The following FAM199X variants were observed in gnomAD, a reference collection of about 807,000 sequenced individuals.
FAM199X encodes protein FAM199X.
In FAM199X, 4 loss-of-function variants were observed where a neutral mutation model predicts 22.9. The ratio of observed to expected loss-of-function variants is 0.17; its 90% CI spans 0.09 to 0.40. FAM199X has a LOEUF of 0.40. FAM199X is among the 10% of genes least tolerant of loss of function. FAM199X has a pLI of 1.00. For synonymous variants in FAM199X, 101 were observed against 112.3 expected (o/e 0.90, Z 0.64); for missense variants, 183 against 306.8 (o/e 0.60, Z 3.01).
chrX:104,163,715 C>G (rs781959475), upstream of FAM199X, among the ~76,000 whole-genome samples: 1 of 91,218 alleles, frequency 1.1e-5, no homozygotes, highest in Admixed American at 1.3e-4. Flanking sequence ...TTTCCTGAGA[C>G]GGAGTCTTGC....
the FAM199X span, among the ~76,000 whole-genome samples, chrX:104,159,156 C>A: frequency 8.9e-6 from 1 of 111,988 alleles, no homozygotes; most frequent in Non-Finnish European, 1.9e-5. Flanking sequence ...AGAGAAAAAT[C>A]CTGATGCAAA....
rs1331100733 is a variant in FAM199X, at chrX:104,194,377, T to C, written c.*4599T>C. ...ACATTTGACTATGTAAAGGTAGTTG[T>C]AGACTATATGTATAAATAACAAGTT... On this transcript the variant is annotated 3_prime_UTR_variant, in exon 6 of 6. Transcript: ENST00000493442. 1.8e-5 allele frequency: 2 copies of C among 112,202 alleles called. No individual in the cohort carries two copies. Among genetic ancestry groups the C allele is most frequent in the African/African-American group, 3.2e-5 (1 of 30,976 alleles). 9.2% of individuals were successfully genotyped at this position (112,202 alleles called of 1,213,427 possible). A position where few individuals can be genotyped will look rare whatever the true frequency, so the allele number is the denominator to read the frequency against.
intron 2 of FAM199X, among the ~76,000 whole-genome samples, chrX:104,178,404 C>T (rs1381946395): frequency 2.7e-5 from 3 of 111,100 alleles, no homozygotes; most frequent in African/African-American, 9.8e-5. Flanking sequence ...TGACCTCAGG[C>T]GATCTGCCTG....
chrX:104,170,273 GT>G (rs1408974943), intron 1 of FAM199X, among the ~76,000 whole-genome samples: 1 of 112,044 alleles, frequency 8.9e-6, no homozygotes, highest in East Asian at 2.8e-4. Context: ...AACACCCATA[GT>G]TTTCCTATCT....
At position 104,166,854 on chromosome X, in the gene FAM199X, C is replaced by G. The variant is rs1556374053; in HGVS notation, c.69C>G (p.Leu23=). 1 of 1,205,998 alleles carries G rather than the reference C, an allele frequency of 8.3e-7. No homozygotes were observed. Among genetic ancestry groups the G allele is most frequent in the Non-Finnish European group, 1.1e-6 (1 of 892,737 alleles). Residue 23 remains leucine, a synonymous_variant, in exon 1 of 6, where the codon CTC becomes CTG. Transcript: ENST00000493442. ...TAACCCCCGAGGAGCCCTTCCCACT[C>G]CTGGGACCTCCTCGCGGGGTGGGCA... ...KFLTPEEPFP[L]LGPPRGVGTC...
the FAM199X span, among the ~76,000 whole-genome samples, chrX:104,161,240 G>C: frequency 2.7e-5 from 3 of 111,760 alleles, no homozygotes; most frequent in Non-Finnish European, 5.6e-5. Flanking sequence ...AGAAATGTTG[G>C]TTGTTTCTGA....
chrX:104,166,803 G>C lies in FAM199X; in HGVS notation c.18G>C (p.Ser6=), dbSNP rs140881112. Residue 6 remains serine (S), a synonymous_variant, in exon 1 of 6, where the codon TCG becomes TCC. Coordinates refer to ENST00000493442, the MANE Select transcript of FAM199X (RefSeq NM_207318.4). ...CTCCAACCATGTCCGACGAGGCCTC[G>C]GCCATCACTTCCTACGAGAAGTTTC... MSDEA[S]AITSYEKFLT... 2.2e-4 allele frequency: 266 copies of C among 1,203,468 alleles called. 2 individuals carry two copies. In the East Asian group the frequency reaches 3.9e-3, roughly 18 times the overall value.
chrX:104,183,409 A>G (rs1556378325), intron 2 of FAM199X, among the ~76,000 whole-genome samples: 1 of 110,974 alleles, frequency 9.0e-6, no homozygotes, highest in Non-Finnish European at 1.9e-5. Context: ...CTAGATAACA[A>G]TTAGGGTCAA....
chrX:104,175,127 A>C (rs1186679356), intron 1 of FAM199X, among the ~76,000 whole-genome samples: 2 of 112,153 alleles, frequency 1.8e-5, no homozygotes, highest in African/African-American at 6.5e-5. Context: ...ACTTGGAGAG[A>C]GTGTTATTTG....
At chrX:104,170,771 G>A (rs1556375222) in intron 1 of FAM199X, among the ~76,000 whole-genome samples, 1 of 111,036 alleles carries the variant, frequency 9.0e-6, no homozygotes, top group East Asian at 2.8e-4. Flanking sequence ...TTACTTCCAA[G>A]GCAATAAAGA....
chrX:104,185,011 A>G (rs67280433), intron 2 of FAM199X, among the ~76,000 whole-genome samples: 16,474 of 104,675 alleles, frequency 0.16, 1,203 homozygotes, highest in Non-Finnish European at 0.22. Flanking sequence ...CCTGGGCCCA[A>G]GCGATCCTCC....
At position 104,166,512 on chromosome X, in the gene FAM199X, G is replaced by T. The variant is rs1280256416; in HGVS notation, c.-274G>T. On this transcript the variant is annotated 5_prime_UTR_variant, in exon 1 of 6. Coordinates refer to ENST00000493442, the MANE Select transcript of FAM199X (RefSeq NM_207318.4). ...CCTGGCCGGGCCGGGCGGCGGCGCTGCGCTGACGGGCTGAGTCTGGCGGCG... is the reference window on the plus strand; with the variant it reads ...CCTGGCCGGGCCGGGCGGCGGCGCTTCGCTGACGGGCTGAGTCTGGCGGCG... 4 of 202,878 alleles carry T rather than the reference G, an allele frequency of 2.0e-5. No homozygotes were observed. Among genetic ancestry groups the T allele is most frequent in the Admixed American group, 7.5e-5 (1 of 13,278 alleles). 16.7% of individuals were successfully genotyped at this position (202,878 alleles called of 1,213,427 possible).
chrX:104,162,956 A>C (rs112731983), upstream of FAM199X, among the ~76,000 whole-genome samples: 1 of 111,821 alleles, frequency 8.9e-6, no homozygotes, highest in Admixed American at 9.5e-5. Flanking sequence ...TCCAATTCTT[A>C]ATAAATTCTG....
At chrX:104,164,913 C>T (rs1295710367), upstream of FAM199X, among the ~76,000 whole-genome samples, 2 of 111,782 alleles carry the variant, frequency 1.8e-5, no homozygotes, top group Non-Finnish European at 3.8e-5. Context: ...ATAAAATAGA[C>T]TATTTCGTTA....
At chrX:104,173,650 G>A (rs1252222336) in intron 1 of FAM199X, among the ~76,000 whole-genome samples, 1 of 111,944 alleles carries the variant, frequency 8.9e-6, no homozygotes, top group East Asian at 2.8e-4. Flanking sequence ...TACTTCAGGA[G>A]CTTGTTAGTA....
intron 2 of FAM199X, among the ~76,000 whole-genome samples, chrX:104,177,984 A>T (rs68150336): frequency 0.16 from 18,047 of 110,674 alleles, 1,240 homozygotes; most frequent in Non-Finnish European, 0.23. Context: ...TGTACTTATG[A>T]TGTCATATTT....
At chrX:104,160,668 C>T in the FAM199X span, among the ~76,000 whole-genome samples, 2 of 112,236 alleles carry the variant, frequency 1.8e-5, no homozygotes, top group African/African-American at 6.5e-5. Flanking sequence ...TTTAATAATT[C>T]TTCTATGATT....
intron 2 of FAM199X, among the ~76,000 whole-genome samples, chrX:104,185,532 A>G (rs1556378888): frequency 8.9e-6 from 1 of 112,429 alleles, no homozygotes; most frequent in African/African-American, 3.2e-5. Context: ...ATATTTATAT[A>G]CTTATGTTGC....
At chrX:104,160,066 G>T in the FAM199X span, among the ~76,000 whole-genome samples, 13 of 112,087 alleles carry the variant, frequency 1.2e-4, no homozygotes, top group Non-Finnish European at 2.4e-4. Context: ...CCCACCTTAG[G>T]CTCTGCTTCT....
Sources: allele counts gnomAD v4.1 joint callset (sites outside exome capture counted in the v4.1 genomes callset), GRCh38; gene constraint gnomAD v4.1.1; transcripts MANE v1.5; gene names NCBI Gene and HGNC (gene_info 2026-07-23, HGNC 2026-07-21).